The following DENND5A variants were observed in gnomAD, a reference collection of about 807,000 sequenced individuals.
DENND5A encodes the protein DENN domain-containing protein 5A.
In DENND5A, 64 loss-of-function variants were observed where a neutral mutation model predicts 140.3. The observed-to-expected ratio is 0.46, with a 90% CI of 0.37 to 0.56. DENND5A has a LOEUF of 0.56. Ranked by LOEUF, DENND5A falls within the 20% of genes least tolerant of loss-of-function variation. DENND5A has a pLI of 0.00. For missense variants in DENND5A, 1,292 were observed against 1,593.8 expected, an observed-to-expected ratio of 0.81 and a Z score of 3.22; for synonymous variants, 605 against 607.7, an observed-to-expected ratio of 1.00 and a Z score of 0.07.
intron 1 of DENND5A, among the ~76,000 whole-genome samples, chr11:9,238,263 CATT>C (rs1851085426): frequency 6.6e-6 from 1 of 152,042 alleles, no homozygotes; most frequent in Non-Finnish European, 1.5e-5. Flanking sequence ...TTACATTACA[CATT>C]ATCACTCTGT....
chr11:9,238,543 A>G (rs1419050755), intron 1 of DENND5A, among the ~76,000 whole-genome samples: 2 of 151,590 alleles, frequency 1.3e-5, no homozygotes, highest in African/African-American at 4.9e-5. Flanking sequence ...CAGCTTCCCG[A>G]GTAGCTGGGA....
intron 1 of DENND5A, among the ~76,000 whole-genome samples, chr11:9,261,206 AC>A (rs1852183535): frequency 6.6e-6 from 1 of 152,146 alleles, no homozygotes; most frequent in African/African-American, 2.4e-5. Context: ...TCTCCACAAA[AC>A]AAGAAGGAAC....
rs547643302 is a variant in DENND5A, at chr11:9,186,999, G to A, written c.1138-5915C>T. Among the ~76,000 whole-genome samples, 10 of 152,244 alleles carry A rather than the reference G, an allele frequency of 6.6e-5. 1 individual carries two copies. The East Asian group carries it at 1.2e-3, about 18-fold the overall frequency. ...CTCGGGAGACTGAGGCAGGAAAATT[G>A]CTTGAACCCGTGAAGCAGAGGTTGC... On this transcript the variant is annotated intron_variant, in intron 5 of 22. Coordinates refer to ENST00000328194, the MANE Select transcript of DENND5A (RefSeq NM_015213.4).
intron 1 of DENND5A, among the ~76,000 whole-genome samples, chr11:9,228,026 T>A (rs1186680625): frequency 1.4e-5 from 2 of 146,060 alleles, no homozygotes; most frequent in Non-Finnish European, 3.0e-5. Context: ...AGCAGGAGAA[T>A]CATTTGAACC....
Position 9,150,081 on chromosome 11 carries a change from T to C in DENND5A, c.2735A>G (p.Lys912Arg), listed in dbSNP as rs1475000094. ...KQLLSDHELT[K>R]KLYKRYAFLR... ...TCTACTCCTGGCGGAGCAGCCTTAC[T>C]TGGTGAGCTCATGGTCTGAGAGGAG... The change falls in exon 15 of 23, where the codon AAA (lysine) becomes AGA (arginine). Residue 912 changes from lysine (K) to arginine (R), a missense_variant and splice_region_variant. Around this residue, in one of 4 missense-constraint regions of DENND5A, gnomAD observed 498 missense variants for 689.7 expected, o/e 0.72. Transcript: ENST00000328194. 6.2e-7 allele frequency: 1 copy of C among 1,611,246 alleles called. No individual in the cohort carries two copies.
chr11:9,139,219 G>A lies in DENND5A; in HGVS notation c.*452C>T, dbSNP rs16906742. 0.11 allele frequency: 17,905 copies of A among 156,528 alleles called. 1,085 individuals carry two copies. The highest frequency in any genetic ancestry group is 0.17 in the South Asian group (844 of 5,080). 9.7% of individuals were successfully genotyped at this position (156,528 alleles called of 1,614,324 possible). A position where few individuals can be genotyped will look rare whatever the true frequency, so the allele number is the denominator to read the frequency against. On this transcript the variant is annotated 3_prime_UTR_variant, in exon 23 of 23. Transcript: ENST00000328194. ...TTGATTGGAGCATGGGGCTTCCCGC[G>A]CAGCACACCTGTGTGTGGCCTATGA...
chr11:9,167,103 T>C (rs1402882914), intron 10 of DENND5A, among the ~76,000 whole-genome samples: 2 of 152,160 alleles, frequency 1.3e-5, no homozygotes, highest in Non-Finnish European at 2.9e-5. Flanking sequence ...TGATTCTTCT[T>C]CATATGTTGT....
chr11:9,211,929 CAA>C (rs71453905), intron 1 of DENND5A, among the ~76,000 whole-genome samples: 96 of 84,866 alleles, frequency 1.1e-3, no homozygotes, highest in East Asian at 2.6e-3. Flanking sequence ...GACTCCGTCT[CAA>C]AAAAAAAAAA....
rs116252276 is a variant in DENND5A at position 9,145,315 on chromosome 11, T to C, written c.3004-202A>G. On this transcript the variant is annotated intron_variant, in intron 17 of 22. Transcript: ENST00000328194. ...CCCAAGGCTGAGAAAGAAAACACTC[T>C]ACCTAGAAGAACAGGGTCAGGGAGC... 9.1e-4 allele frequency: 541 copies of C among 594,562 alleles called. 2 individuals carry two copies. The African/African-American group carries it at 9.2e-3, about 10-fold the overall frequency. The allele number at this position is 594,562 out of a possible 1,614,324, so 36.8% of individuals were successfully genotyped here.
chr11:9,220,669 G>C (rs1235218664), intron 1 of DENND5A, among the ~76,000 whole-genome samples: 2 of 152,070 alleles, frequency 1.3e-5, no homozygotes, highest in South Asian at 4.1e-4. Flanking sequence ...GAGGGGGTTA[G>C]ATTACCTGAG....
At chr11:9,246,120 G>A (rs796813151) in intron 1 of DENND5A, among the ~76,000 whole-genome samples, 49 of 152,184 alleles carry the variant, frequency 3.2e-4, no homozygotes, top group African/African-American at 1.2e-3. Context: ...AAATTCCAGC[G>A]CCCTAGCTAG....
chr11:9,247,208 C>T lies in DENND5A; in HGVS notation c.109+17753G>A, dbSNP rs1008021323. 1.2e-4 allele frequency among the ~76,000 whole-genome samples: 17 copies of T among 147,304 alleles called. No individual in the cohort carries two copies. The East Asian group carries it at 2.2e-3, about 19-fold the overall frequency. On this transcript the variant is annotated intron_variant, in intron 1 of 22. Coordinates refer to ENST00000328194, the MANE Select transcript of DENND5A (RefSeq NM_015213.4). Reference sequence around the variant, plus strand: ...TCGTGCCACTGCACTCCAGCCTGGGCGACAGAGCGAGACTCCGTCTTAAAA... The same window carrying T: ...TCGTGCCACTGCACTCCAGCCTGGGTGACAGAGCGAGACTCCGTCTTAAAA...
rs1476894310 is a variant in DENND5A at position 9,255,859 on chromosome 11, C to G, written c.109+9102G>C. 4.0e-5 allele frequency among the ~76,000 whole-genome samples: 6 copies of G among 149,218 alleles called. No individual in the cohort carries two copies. In the East Asian group the frequency reaches 1.2e-3, roughly 29 times the overall value. ...CAGCCTGGGCGACAGAGTGAGACTC[C>G]GTCTAAAAAAAAAAAAAAAATCCAG... On this transcript the variant is annotated intron_variant, in intron 1 of 22. Coordinates refer to ENST00000328194, the MANE Select transcript of DENND5A (RefSeq NM_015213.4).
At chr11:9,258,288 CCCA>C (rs1564946821) in intron 1 of DENND5A, among the ~76,000 whole-genome samples, 4 of 150,158 alleles carry the variant, frequency 2.7e-5, no homozygotes, top group African/African-American at 9.9e-5. Context: ...CCCCCACCCC[CCCA>C]ACAGGCCCCA....
intron 1 of DENND5A, among the ~76,000 whole-genome samples, chr11:9,257,506 G>A (rs553409561): frequency 8.5e-5 from 12 of 140,404 alleles, no homozygotes; most frequent in Admixed American, 7.1e-4. Context: ...TTTTGAGAAG[G>A]AGTCTCACAC....
intron 1 of DENND5A, among the ~76,000 whole-genome samples, chr11:9,256,823 G>C (rs943174896): frequency 1.3e-5 from 2 of 152,164 alleles, no homozygotes; most frequent in African/African-American, 4.8e-5. Context: ...GGATTGTAGT[G>C]TGATTGTAAA....
At chr11:9,153,406 T>C (rs947137748) in intron 12 of DENND5A, among the ~76,000 whole-genome samples, 2 of 150,056 alleles carry the variant, frequency 1.3e-5, no homozygotes, top group Non-Finnish European at 3.0e-5. Flanking sequence ...AATGGTCTGC[T>C]GGTTTTATGT....
intron 15 of DENND5A, among the ~76,000 whole-genome samples, chr11:9,148,770 T>C (rs975634139): frequency 1.3e-5 from 2 of 152,148 alleles, no homozygotes; most frequent in African/African-American, 4.8e-5. Context: ...GAGCTAAAGA[T>C]AGAATATCAG....
In DENND5A at chr11:9,145,768, A is replaced by C. The variant is rs1192022547; in HGVS notation, c.2905T>G (p.Ser969Ala). 2 of 1,614,184 alleles carry C rather than the reference A, an allele frequency of 1.2e-6. No individual in the cohort carries two copies. The highest frequency in any genetic ancestry group is 2.7e-5 in the African/African-American group (2 of 75,054). Reference sequence around the variant, plus strand: ...ATCCATGGGTTGGCAGTGAACATGGAGCCCCCCAGCTTCTTGCTTGGTACG... The same window carrying C: ...ATCCATGGGTTGGCAGTGAACATGGCGCCCCCCAGCTTCTTGCTTGGTACG... ...LIVPSKKLGG[S>A]MFTANPWICI... Residue 969 changes from serine to alanine, a missense_variant, in exon 17 of 23, where the codon TCC (serine) becomes GCC (alanine). By Grantham distance (99) the Ser-to-Ala change is moderately conservative. Around this residue, in one of 4 missense-constraint regions of DENND5A, gnomAD observed 498 missense variants for 689.7 expected, o/e 0.72. Transcript: ENST00000328194.
Sources: allele counts gnomAD v4.1 joint callset (sites outside exome capture counted in the v4.1 genomes callset), GRCh38; gene constraint gnomAD v4.1.1; regional missense constraint gnomAD v4.1.1; transcripts MANE v1.5; gene names NCBI Gene and HGNC (gene_info 2026-07-23, HGNC 2026-07-21).